LSAMP: variants seen among roughly 807,000 people sequenced by gnomAD.
The protein encoded by LSAMP is limbic system-associated membrane protein.
LSAMP carries 7 observed loss-of-function variants against 38.6 expected under a neutral mutation model. That is an observed-to-expected ratio of 0.18 (90% confidence interval 0.10 to 0.34). The LOEUF is 0.34. Ranked by LOEUF, LSAMP falls within the 10% of genes least tolerant of loss-of-function variation. The pLI, the probability that LSAMP is intolerant of heterozygous loss-of-function variation, is 1.00. For missense variants in LSAMP, 313 were observed against 420.0 expected (o/e 0.75, Z 2.23); for synonymous variants, 154 against 166.8 (o/e 0.92, Z 0.59).
chr3:116,084,659 A>T (rs1707948532), intron 2 of LSAMP, among the ~76,000 whole-genome samples: 1 of 152,132 alleles, frequency 6.6e-6, no homozygotes, highest in Non-Finnish European at 1.5e-5. Flanking sequence ...TCAGTATAGG[A>T]TAATACACAA....
intron 1 of LSAMP, among the ~76,000 whole-genome samples, chr3:116,157,076 T>G (rs776734035): frequency 9.9e-5 from 15 of 152,116 alleles, no homozygotes; most frequent in Non-Finnish European, 2.1e-4. Flanking sequence ...TCAAATACTT[T>G]GGATTATTAG....
At chr3:116,131,692 T>C (rs575323714) in intron 1 of LSAMP, among the ~76,000 whole-genome samples, 1 of 152,252 alleles carries the variant, frequency 6.6e-6, no homozygotes, top group South Asian at 2.1e-4. Flanking sequence ...ATAATCTTCC[T>C]CGTTGCTTAG....
chr3:115,807,917 C>G lies in LSAMP; in HGVS notation c.*2400G>C, dbSNP rs1466361165. On this transcript the variant is annotated 3_prime_UTR_variant, in exon 7 of 7. Coordinates refer to ENST00000490035, the MANE Select transcript of LSAMP (RefSeq NM_002338.5). Reference sequence around the variant, plus strand: ...TATGTCAGAATCTGCTATAAACACTCTTAACCATCCCCAAGCTGAATTTTT... The same window carrying G: ...TATGTCAGAATCTGCTATAAACACTGTTAACCATCCCCAAGCTGAATTTTT... 1.3e-5 allele frequency: 2 copies of G among 152,160 alleles called. No individual in the cohort carries two copies. Among genetic ancestry groups the G allele is most frequent in the African/African-American group, 2.4e-5 (1 of 41,446 alleles). 9.4% of individuals were successfully genotyped at this position (152,160 alleles called of 1,614,324 possible).
At chr3:116,395,344 C>T (rs139213537) in intron 1 of LSAMP, among the ~76,000 whole-genome samples, 2 of 152,176 alleles carry the variant, frequency 1.3e-5, no homozygotes. Context: ...CAGCTCAGCT[C>T]TTCCCTGGAT....
intron 1 of LSAMP, among the ~76,000 whole-genome samples, chr3:116,208,542 T>G (rs933224988): frequency 3.6e-4 from 55 of 152,214 alleles, no homozygotes; most frequent in African/African-American, 1.3e-3. Flanking sequence ...TTATCTACTT[T>G]TGGTCTTTGA....
intron 1 of LSAMP, among the ~76,000 whole-genome samples, chr3:116,112,316 A>T (rs1046279743): frequency 6.6e-6 from 1 of 152,226 alleles, no homozygotes; most frequent in Non-Finnish European, 1.5e-5. Flanking sequence ...AAAAGGACGC[A>T]TAAGTATGAT....
At chr3:115,832,411 A>G (rs1408035966) in intron 6 of LSAMP, among the ~76,000 whole-genome samples, 1 of 152,214 alleles carries the variant, frequency 6.6e-6, no homozygotes. Flanking sequence ...GTGACAATAT[A>G]TGATATTCAA....
chr3:116,292,583 T>C (rs998212758), intron 1 of LSAMP, among the ~76,000 whole-genome samples: 1 of 152,176 alleles, frequency 6.6e-6, no homozygotes, highest in African/African-American at 2.4e-5. Context: ...AGGGGGACCA[T>C]TGGAGTTTAT....
chr3:116,317,576 T>C (rs562407184), intron 1 of LSAMP, among the ~76,000 whole-genome samples: 104 of 151,794 alleles, frequency 6.9e-4, no homozygotes, highest in South Asian at 1.2e-3. Context: ...AGGATAGTCT[T>C]GATCTCCTGA....
intron 1 of LSAMP, among the ~76,000 whole-genome samples, chr3:116,192,652 A>C (rs1710780162): frequency 6.6e-6 from 1 of 152,302 alleles, no homozygotes; most frequent in African/African-American, 2.4e-5. Flanking sequence ...ATTAAAGAAA[A>C]GTATTAGGTG....
chr3:116,182,953 T>C (rs1370122598), intron 1 of LSAMP, among the ~76,000 whole-genome samples: 1 of 151,726 alleles, frequency 6.6e-6, no homozygotes, highest in Non-Finnish European at 1.5e-5. Flanking sequence ...TGGGGTGGAG[T>C]TGAAGCTTAG....
chr3:115,964,892 C>T (rs1401526174), intron 3 of LSAMP, among the ~76,000 whole-genome samples: 3 of 152,060 alleles, frequency 2.0e-5, no homozygotes, highest in African/African-American at 7.2e-5. Context: ...TTAAAGAAGA[C>T]CTCCACAAAT....
At chr3:116,333,649 T>C (rs2047882376) in intron 1 of LSAMP, among the ~76,000 whole-genome samples, 1 of 150,348 alleles carries the variant, frequency 6.7e-6, no homozygotes, top group Non-Finnish European at 1.5e-5. Flanking sequence ...GGAAATTAAA[T>C]AACACACTCT....
chr3:115,949,363 T>A (rs1938206612), intron 3 of LSAMP, among the ~76,000 whole-genome samples: 1 of 152,098 alleles, frequency 6.6e-6, no homozygotes, highest in African/African-American at 2.4e-5. Flanking sequence ...TAATGGTCTA[T>A]CAATTTTGTT....
chr3:115,940,903 C>T (rs952808488), intron 3 of LSAMP, among the ~76,000 whole-genome samples: 1 of 152,184 alleles, frequency 6.6e-6, no homozygotes, highest in African/African-American at 2.4e-5. Context: ...CTCAAGATCA[C>T]TTTGGCTATT....
At chr3:116,443,443 A>T (rs1410863148) in intron 1 of LSAMP, among the ~76,000 whole-genome samples, 1 of 152,172 alleles carries the variant, frequency 6.6e-6, no homozygotes, top group African/African-American at 2.4e-5. Flanking sequence ...TACTTTTTAC[A>T]ATCTGGAGAA....
At chr3:116,376,372 T>G (rs2048493127) in intron 1 of LSAMP, among the ~76,000 whole-genome samples, 2 of 152,002 alleles carry the variant, frequency 1.3e-5, no homozygotes, top group South Asian at 4.1e-4. Flanking sequence ...TAACAAAATA[T>G]TTTACTTTCA....
chr3:116,117,062 G>C (rs1474860924), intron 1 of LSAMP, among the ~76,000 whole-genome samples: 1 of 152,212 alleles, frequency 6.6e-6, no homozygotes, highest in Non-Finnish European at 1.5e-5. Flanking sequence ...GTTGTCTTAA[G>C]CCACTAAGAT....
chr3:116,072,950 T>C (rs1707647999), intron 2 of LSAMP, among the ~76,000 whole-genome samples: 1 of 152,196 alleles, frequency 6.6e-6, no homozygotes, highest in Admixed American at 6.5e-5. Context: ...TTGCAATTGC[T>C]TTTGGCATTT....
Sources: allele counts gnomAD v4.1 joint callset (sites outside exome capture counted in the v4.1 genomes callset), GRCh38; gene constraint gnomAD v4.1.1; transcripts MANE v1.5; gene names NCBI Gene and HGNC (gene_info 2026-07-23, HGNC 2026-07-21).